FUT4: variants seen among roughly 807,000 people sequenced by gnomAD.
FUT4 encodes fucosyltransferase 4, also known as alpha-(1,3)-fucosyltransferase 4.
A neutral mutation model predicts 3.8 loss-of-function variants in FUT4; 1 was observed. That is an observed-to-expected ratio of 0.26 (90% CI 0.09 to 1.25). FUT4 has a LOEUF of 1.25. Ranked by LOEUF, FUT4 falls within the 50% of genes most tolerant of loss-of-function variation. The probability of loss-of-function intolerance (pLI) is 0.47; values close to 1 mark genes in which losing one functional copy is unlikely to be tolerated. For missense variants in FUT4, 880 were observed against 768.2 expected (o/e 1.15, Z -1.72); for synonymous variants, 417 against 355.3 (o/e 1.17, Z -1.95).
At position 94,546,179 on chromosome 11, in the gene FUT4, C is replaced by G. The variant is rs1947860042; in HGVS notation, c.*453C>G. 2.9e-6 allele frequency: 1 copy of G among 340,662 alleles called. No homozygotes were observed. The highest frequency in any genetic ancestry group is 6.0e-6 in the Non-Finnish European group (1 of 165,416). 21.1% of individuals were successfully genotyped at this position (340,662 alleles called of 1,614,324 possible). ...AGCAAATTTGTGGTTGTAGAAGGAG[C>G]CTTGTTGGTGGAGAGTGGAAGGACT... On this transcript the variant is annotated 3_prime_UTR_variant, in exon 1 of 1. Coordinates refer to ENST00000358752, the MANE Select transcript of FUT4 (RefSeq NM_002033.4).
At position 94,545,573 on chromosome 11, in the gene FUT4, G is replaced by C. The variant is rs775535065; in HGVS notation, c.1440G>C (p.Ala480=). The change falls in exon 1 of 1, where the codon GCG becomes GCC. Residue 480 remains alanine, a synonymous_variant. Coordinates refer to ENST00000358752, the MANE Select transcript of FUT4 (RefSeq NM_002033.4). ...SYLLFLDRNP[A]VYRRYFHWRR... ...TGCTTTTCCTCGACCGCAACCCCGC[G>C]GTCTATCGCCGCTACTTCCACTGGC... 6 of 1,613,546 alleles carry C rather than the reference G, an allele frequency of 3.7e-6. No individual in the cohort carries two copies. The East Asian group carries it at 1.3e-4, about 36-fold the overall frequency.
chr11:94,545,948 G>A lies in FUT4; in HGVS notation c.*222G>A. ...AGCTAGCAATTGGGCTCCCTTTGCT[G>A]CTGATGGGCATCATTGTTTAGGGGT... On this transcript the variant is annotated 3_prime_UTR_variant, in exon 1 of 1. Transcript: ENST00000358752. 1.4e-6 allele frequency: 1 copy of A among 700,578 alleles called. No homozygotes were observed. Among genetic ancestry groups the A allele is most frequent in the East Asian group, 2.8e-5 (1 of 35,714 alleles). 43.4% of individuals were successfully genotyped at this position (700,578 alleles called of 1,614,324 possible).
In FUT4 at chr11:94,544,141, G is replaced by T; in HGVS notation, c.8G>T (p.Arg3Leu). The T allele has an allele frequency of 7.2e-7, 1 of 1,386,316 alleles. No homozygotes were observed. Among genetic ancestry groups the T allele is most frequent in the Non-Finnish European group, 9.3e-7 (1 of 1,071,968 alleles). The allele number at this position is 1,386,316 out of a possible 1,614,324, so 85.9% of individuals were successfully genotyped here. Residue 3 changes from arginine (R) to leucine (L), a missense_variant, in exon 1 of 1, where the codon CGC (arginine) becomes CTC (leucine). Around this residue, in one of 3 missense-constraint regions of FUT4, gnomAD observed 447 missense variants for 339.5 expected, o/e 1.32. Transcript: ENST00000358752. MR[R>L]LWGAARKPSG... is the part of the protein sequence containing the mutation. The stretch of plus-strand genomic sequence containing the variant: ...GAGAATCAAGAGTAGCGGATGAGGC[G>T]CTTGTGGGGCGCGGCCCGGAAGCCC...
Position 94,544,858 on chromosome 11 carries a change from T to A in FUT4, c.725T>A (p.Leu242His). The A allele has an allele frequency of 6.2e-7, 1 of 1,607,860 alleles. No individual in the cohort carries two copies. Among genetic ancestry groups the A allele is most frequent in the Non-Finnish European group, 8.5e-7 (1 of 1,179,488 alleles). Reference sequence around the variant, plus strand: ...GCCGTGCTTTTCCACCACCGCGACCTCGTGAAGGGGCCCCCCGACTGGCCC... The same window carrying A: ...GCCGTGCTTTTCCACCACCGCGACCACGTGAAGGGGCCCCCCGACTGGCCC... ...AQAVLFHHRD[L>H]VKGPPDWPPP... Residue 242 changes from leucine (L) to histidine (H), a missense_variant, in exon 1 of 1, where the codon CTC becomes CAC. Leu to His is a moderately conservative substitution (Grantham distance 99). Coordinates refer to ENST00000358752, the MANE Select transcript of FUT4 (RefSeq NM_002033.4).
At position 94,544,180 on chromosome 11, in the gene FUT4, G is replaced by A; in HGVS notation, c.47G>A (p.Trp16Ter). 1 of 1,399,876 alleles carries A rather than the reference G, an allele frequency of 7.1e-7. No homozygotes were observed. Among genetic ancestry groups the A allele is most frequent in the Non-Finnish European group, 9.3e-7 (1 of 1,079,682 alleles). 86.7% of individuals were successfully genotyped at this position (1,399,876 alleles called of 1,614,324 possible). A position where few individuals can be genotyped will look rare whatever the true frequency, so the allele number is the denominator to read the frequency against. ...GAARKPSGAG[W>*]EKEWAEAPQE... ...GCCCGGAAGCCCTCGGGCGCGGGCT[G>A]GGAGAAGGAGTGGGCGGAGGCGCCG... is the stretch of plus-strand genomic sequence containing the variant. Residue 16 changes from tryptophan to a stop codon, truncating the protein, a stop_gained, in exon 1 of 1, where the codon TGG (tryptophan) becomes TAG (stop). Coordinates refer to ENST00000358752, the MANE Select transcript of FUT4 (RefSeq NM_002033.4). LOFTEE classifies it low-confidence loss of function (END_TRUNC).
chr11:94,544,792 G>A lies in FUT4; in HGVS notation c.659G>A (p.Cys220Tyr). 1.3e-6 allele frequency: 2 copies of A among 1,593,092 alleles called. No homozygotes were observed. Among genetic ancestry groups the A allele is most frequent in the Non-Finnish European group, 1.7e-6 (2 of 1,176,638 alleles). Residue 220 changes from cysteine to tyrosine, a missense_variant, in exon 1 of 1, where the codon TGC (cysteine) becomes TAC (tyrosine). By Grantham distance (194) the Cys-to-Tyr change is radical (BLOSUM62 -2). Transcript: ENST00000358752. The part of the protein sequence containing the change: ...DCRLRFNISG[C>Y]RLLTDRASYG... ...CGGCTGCGCTTCAACATCAGCGGCT[G>A]CCGCCTGCTCACCGACCGCGCGTCC...
Position 94,545,072 on chromosome 11 carries a change from C to T in FUT4, c.939C>T (p.Leu313=). 1 of 1,612,664 alleles carries T rather than the reference C, an allele frequency of 6.2e-7. No individual in the cohort carries two copies. The highest frequency in any genetic ancestry group is 8.5e-7 in the Non-Finnish European group (1 of 1,179,766). Residue 313 remains leucine, a synonymous_variant, in exon 1 of 1, where the codon CTC becomes CTT. Coordinates refer to ENST00000358752, the MANE Select transcript of FUT4 (RefSeq NM_002033.4). The part of the protein sequence containing the change: ...SPGLRSLASN[L]FNWTLSYRAD... ...GGCTGCGAAGCCTGGCAAGTAACCT[C>T]TTCAACTGGACGCTCTCCTACCGGG...
rs563049723 is a variant in FUT4 at position 94,547,373 on chromosome 11, C to T, written c.*1647C>T. On this transcript the variant is annotated 3_prime_UTR_variant, in exon 1 of 1. Transcript: ENST00000358752. ...TCCTCCACTTATTAGAATAAGGACCCTCAGTGACTAATTATTGTGGGTAGG... is the reference window on the plus strand; with the variant it reads ...TCCTCCACTTATTAGAATAAGGACCTTCAGTGACTAATTATTGTGGGTAGG... 1 of 167,094 alleles carries T rather than the reference C, an allele frequency of 6.0e-6. No homozygotes were observed. Among genetic ancestry groups the T allele is most frequent in the South Asian group, 2.1e-4 (1 of 4,830 alleles). 10.4% of individuals were successfully genotyped at this position (167,094 alleles called of 1,614,324 possible). A position where few individuals can be genotyped will look rare whatever the true frequency, so the allele number is the denominator to read the frequency against.
Position 94,544,336 on chromosome 11 carries a change from G to T in FUT4, c.203G>T (p.Gly68Val). Residue 68 changes from glycine to valine, a missense_variant, in exon 1 of 1, where the codon GGA becomes GTA. By Grantham distance (109) the Gly-to-Val change is moderately radical (BLOSUM62 -3). This residue lies in a region of FUT4 where 447 missense variants were observed against 339.5 expected (regional missense o/e 1.32). Coordinates refer to ENST00000358752, the MANE Select transcript of FUT4 (RefSeq NM_002033.4). ...GCGGCTCGCCCCGCCCGGCACTTGG[G>T]AGGAGCAGGGCAGGGCCCGCGGCCT... ...ALAARPARHL[G>V]GAGQGPRPLH... 1 of 1,550,714 alleles carries T rather than the reference G, an allele frequency of 6.4e-7. No individual in the cohort carries two copies. Among genetic ancestry groups the T allele is most frequent in the Non-Finnish European group, 8.7e-7 (1 of 1,155,306 alleles).
In FUT4 at chr11:94,549,153, A is replaced by C. The variant is rs1213083724; in HGVS notation, c.*3427A>C. The C allele has an allele frequency of 6.0e-6, 1 of 167,078 alleles. No individual in the cohort carries two copies. The highest frequency in any genetic ancestry group is 2.4e-5 in the African/African-American group (1 of 41,460). The allele number at this position is 167,078 out of a possible 1,614,324, so 10.3% of individuals were successfully genotyped here. A position where few individuals can be genotyped will look rare whatever the true frequency, so the allele number is the denominator to read the frequency against. On this transcript the variant is annotated 3_prime_UTR_variant, in exon 1 of 1. Coordinates refer to ENST00000358752, the MANE Select transcript of FUT4 (RefSeq NM_002033.4). ...AGATGTTCTAAATTTTCAAGGATCT[A>C]AACCAGGGATTGGCAAACGTTTTTC...
In FUT4 at chr11:94,545,207, A is replaced by G. The variant is rs1947846582; in HGVS notation, c.1074A>G (p.Ala358=). The G allele has an allele frequency of 6.2e-7, 1 of 1,610,942 alleles. No homozygotes were observed. The highest frequency in any genetic ancestry group is 8.5e-7 in the Non-Finnish European group (1 of 1,179,788). The change falls in exon 1 of 1, where the codon GCA becomes GCG. Residue 358 remains alanine, a synonymous_variant. Transcript: ENST00000358752. Reference sequence around the variant, plus strand: ...TGTCCAGGAAACAGGGGCTGGTGGCATGGGTGGTGAGCCACTGGGACGAGC... The same window carrying G: ...TGTCCAGGAAACAGGGGCTGGTGGCGTGGGTGGTGAGCCACTGGGACGAGC... ...PPLSRKQGLV[A]WVVSHWDERQ...
In FUT4 at chr11:94,545,253, T is replaced by C. The variant is rs1396756938; in HGVS notation, c.1120T>C (p.Tyr374His). The C allele has an allele frequency of 6.2e-7, 1 of 1,611,634 alleles. No individual in the cohort carries two copies. ...CGAGCGCCAGGCCCGGGTCCGCTAC[T>C]ACCACCAACTGAGCCAACATGTGAC... ...WDERQARVRYYHQLSQHVTVD... is the reference protein window; with the variant it reads ...WDERQARVRYHHQLSQHVTVD... Residue 374 changes from tyrosine to histidine, a missense_variant, in exon 1 of 1, where the codon TAC (tyrosine) becomes CAC (histidine). By Grantham distance (83) the Tyr-to-His change is moderately conservative. This residue lies in a region of FUT4 where 424 missense variants were observed against 400.4 expected (regional missense o/e 1.06). Transcript: ENST00000358752.
At position 94,544,188 on chromosome 11, in the gene FUT4, G is replaced by A; in HGVS notation, c.55G>A (p.Glu19Lys). Reference sequence around the variant, plus strand: ...GCCCTCGGGCGCGGGCTGGGAGAAGGAGTGGGCGGAGGCGCCGCAGGAGGC... The same window carrying A: ...GCCCTCGGGCGCGGGCTGGGAGAAGAAGTGGGCGGAGGCGCCGCAGGAGGC... The part of the protein sequence containing the change: ...RKPSGAGWEK[E>K]WAEAPQEAPG... Residue 19 changes from glutamate to lysine, a missense_variant, in exon 1 of 1, where the codon GAG becomes AAG. Physicochemically the swap from Glu to Lys is moderately conservative, Grantham distance 56. Coordinates refer to ENST00000358752, the MANE Select transcript of FUT4 (RefSeq NM_002033.4). 7.1e-7 allele frequency: 1 copy of A among 1,407,974 alleles called. No individual in the cohort carries two copies. The allele number at this position is 1,407,974 out of a possible 1,614,324, so 87.2% of individuals were successfully genotyped here. A position where few individuals can be genotyped will look rare whatever the true frequency, so the allele number is the denominator to read the frequency against.
Position 94,544,229 on chromosome 11 carries a change from G to A in FUT4, c.96G>A (p.Ser32=), listed in dbSNP as rs761018933. ...EAPQEAPGAW[S]GRLGPGRSGR... ...CGCAGGAGGCTCCCGGGGCCTGGTC[G>A]GGCCGGCTGGGCCCCGGGCGCAGTG... is the stretch of plus-strand genomic sequence containing the variant. Residue 32 remains serine, a synonymous_variant, in exon 1 of 1, where the codon TCG becomes TCA. Coordinates refer to ENST00000358752, the MANE Select transcript of FUT4 (RefSeq NM_002033.4). 8.9e-6 allele frequency: 13 copies of A among 1,465,802 alleles called. No individual in the cohort carries two copies. Among genetic ancestry groups the A allele is most frequent in the Non-Finnish European group, 1.2e-5 (13 of 1,114,290 alleles). 90.8% of individuals were successfully genotyped at this position (1,465,802 alleles called of 1,614,324 possible).
In FUT4 at chr11:94,544,919, G is replaced by A. The variant is rs780043440; in HGVS notation, c.786G>A (p.Glu262=). Residue 262 remains glutamate (E), a synonymous_variant, in exon 1 of 1, where the codon GAG becomes GAA. Transcript: ENST00000358752. ...GCATCCAGGCGCACACTGCCGAGGA[G>A]GTGGATCTGCGCGTGTTGGACTACG... ...PWGIQAHTAE[E]VDLRVLDYEE... is the part of the protein sequence containing the mutation. 3 of 1,608,394 alleles carry A rather than the reference G, an allele frequency of 1.9e-6. No individual in the cohort carries two copies. The African/African-American group carries it at 4.0e-5, about 21-fold the overall frequency.
chr11:94,544,148 G>T lies in FUT4; in HGVS notation c.15G>T (p.Trp5Cys). The T allele has an allele frequency of 2.9e-6, 4 of 1,387,354 alleles. No individual in the cohort carries two copies. In the African/African-American group the frequency reaches 6.1e-5, roughly 21 times the overall value. The allele number at this position is 1,387,354 out of a possible 1,614,324, so 85.9% of individuals were successfully genotyped here. MRRL[W>C]GAARKPSGAG... ...AAGAGTAGCGGATGAGGCGCTTGTG[G>T]GGCGCGGCCCGGAAGCCCTCGGGCG... is the stretch of plus-strand genomic sequence containing the variant. The change falls in exon 1 of 1, where the codon TGG (tryptophan) becomes TGT (cysteine). Residue 5 changes from tryptophan to cysteine, a missense_variant. By Grantham distance (215) the Trp-to-Cys change is radical. Coordinates refer to ENST00000358752, the MANE Select transcript of FUT4 (RefSeq NM_002033.4).
Position 94,545,115 on chromosome 11 carries a change from G to C in FUT4, c.982G>C (p.Val328Leu). 4 of 1,612,578 alleles carry C rather than the reference G, an allele frequency of 2.5e-6. No individual in the cohort carries two copies. The highest frequency in any genetic ancestry group is 3.4e-6 in the Non-Finnish European group (4 of 1,179,834). The part of the protein sequence containing the change: ...LSYRADSDVF[V>L]PYGYLYPRSH... Reference sequence around the variant, plus strand: ...CTACCGGGCGGACTCGGACGTCTTTGTGCCTTATGGCTACCTCTACCCCAG... The same window carrying C: ...CTACCGGGCGGACTCGGACGTCTTTCTGCCTTATGGCTACCTCTACCCCAG... Residue 328 changes from valine to leucine, a missense_variant, in exon 1 of 1, where the codon GTG (valine) becomes CTG (leucine). Val to Leu is a conservative substitution (Grantham distance 32, BLOSUM62 1). Transcript: ENST00000358752.
Position 94,544,090 on chromosome 11 carries a change from G to C in FUT4, c.-44G>C. On this transcript the variant is annotated 5_prime_UTR_variant, in exon 1 of 1. Coordinates refer to ENST00000358752, the MANE Select transcript of FUT4 (RefSeq NM_002033.4). ...GCGAGGGCCAGGGCGGTGGGCGCGC[G>C]CAGAGGGAAACCGGATCAGTTGAGA... 2 of 1,362,108 alleles carry C rather than the reference G, an allele frequency of 1.5e-6. No individual in the cohort carries two copies. The highest frequency in any genetic ancestry group is 1.9e-6 in the Non-Finnish European group (2 of 1,056,658). 84.4% of individuals were successfully genotyped at this position (1,362,108 alleles called of 1,614,324 possible).
Position 94,546,829 on chromosome 11 carries a change from TTC to T in FUT4, c.*1104_*1105del, listed in dbSNP as rs1385972155. 2 of 167,020 alleles carry T rather than the reference TTC, an allele frequency of 1.2e-5. No individual in the cohort carries two copies. Among genetic ancestry groups the T allele is most frequent in the African/African-American group, 4.8e-5 (2 of 41,460 alleles). The allele number at this position is 167,020 out of a possible 1,614,324, so 10.3% of individuals were successfully genotyped here. On this transcript the variant is annotated 3_prime_UTR_variant, in exon 1 of 1. Coordinates refer to ENST00000358752, the MANE Select transcript of FUT4 (RefSeq NM_002033.4). ...GGAATCATGCAAAAGGAAAAAAAGT[TTC>T]ATGATATCTGTTGTTGGCAGTTTTT...
Sources: gnomAD v4.1 joint callset for allele counts on GRCh38, gnomAD v4.1.1 for gene constraint, gnomAD v4.1.1 regional missense constraint, MANE v1.5 for transcripts, NCBI Gene and HGNC (gene_info 2026-07-23, HGNC 2026-07-21) for gene names.